Variants in SPTLC3 observed in about 807,000 individuals in gnomAD.
The protein encoded by SPTLC3 is serine palmitoyltransferase long chain base subunit 3, also known as serine palmitoyltransferase 3.
Under a neutral mutation model 59.3 loss-of-function variants are expected in SPTLC3, and 36 were observed. The observed-to-expected ratio is 0.61, with a 90% CI of 0.47 to 0.80. The LOEUF is 0.80. SPTLC3 is among the 30% of genes least tolerant of loss of function. SPTLC3 has a pLI of 0.00. For synonymous variants in SPTLC3, 257 were observed against 240.8 expected (o/e 1.07, Z -0.62); for missense variants, 625 against 685.1 (o/e 0.91, Z 0.98).
At chr20:13,106,447 A>G (rs948052466) in intron 6 of SPTLC3, among the ~76,000 whole-genome samples, 2 of 152,148 alleles carry the variant, frequency 1.3e-5, no homozygotes, top group South Asian at 2.1e-4. Context: ...TCTGTTCTGT[A>G]TTATTGACGA....
At chr20:13,079,419 A>G (rs1473586625) in intron 4 of SPTLC3, among the ~76,000 whole-genome samples, 2 of 152,194 alleles carry the variant, frequency 1.3e-5, no homozygotes, top group Non-Finnish European at 2.9e-5. Flanking sequence ...CACATATTAC[A>G]TGTAGGTAAA....
intron 2 of SPTLC3, among the ~76,000 whole-genome samples, chr20:13,052,492 G>A (rs1036728627): frequency 1.1e-4 from 16 of 152,190 alleles, no homozygotes; most frequent in Non-Finnish European, 1.6e-4. Context: ...TTTTGTTGTT[G>A]TTTGGTTTTT....
rs5840546 is a variant in SPTLC3 at position 13,044,995 on chromosome 20, CCACACACACACA to C, written c.118-3920_118-3909del. 7.9e-3 allele frequency among the ~76,000 whole-genome samples: 1,117 copies of C among 141,350 alleles called. 12 individuals carry two copies. The highest frequency in any genetic ancestry group is 0.022 in the African/African-American group (860 of 38,448). 92.7% of individuals were successfully genotyped at this position (141,350 alleles called of 152,430 possible). A position where few individuals can be genotyped will look rare whatever the true frequency, so the allele number is the denominator to read the frequency against. On this transcript the variant is annotated intron_variant, in intron 1 of 11. Transcript: ENST00000399002. ...TACATTATGGTCATTTGTGTCCCCACCACACACACACACACACACACACACACACACACACAC... is the reference window on the plus strand; with the variant it reads ...TACATTATGGTCATTTGTGTCCCCACCACACACACACACACACACACACAC...
intron 7 of SPTLC3, among the ~76,000 whole-genome samples, chr20:13,114,148 C>G (rs1243025687): frequency 3.9e-5 from 6 of 152,170 alleles, no homozygotes; most frequent in Non-Finnish European, 8.8e-5. Context: ...GCAAGATCAC[C>G]CATTTGACCT....
intron 1 of SPTLC3, among the ~76,000 whole-genome samples, chr20:13,036,806 G>A (rs1485914903): frequency 2.6e-5 from 4 of 152,030 alleles, no homozygotes; most frequent in Non-Finnish European, 5.9e-5. Context: ...CCTCCACTGA[G>A]ACCCATCAGT....
rs138475462 is a variant in SPTLC3 at position 13,131,749 on chromosome 20, T to C, written c.1279+5032T>C. On this transcript the variant is annotated intron_variant, in intron 9 of 11. Coordinates refer to ENST00000399002, the MANE Select transcript of SPTLC3 (RefSeq NM_018327.4). Reference sequence around the variant, plus strand: ...CCCCACTTTTGCTCTTGCCTTTTTATGGCTTCTTCTCCATGCAGAAGCCAA... The same window carrying C: ...CCCCACTTTTGCTCTTGCCTTTTTACGGCTTCTTCTCCATGCAGAAGCCAA... 1.3e-3 allele frequency among the ~76,000 whole-genome samples: 204 copies of C among 152,332 alleles called. 1 individual carries two copies. Among genetic ancestry groups the C allele is most frequent in the Non-Finnish European group, 2.4e-3 (164 of 68,034 alleles).
At chr20:13,123,223 C>T (rs189887472) in intron 8 of SPTLC3, among the ~76,000 whole-genome samples, 276 of 151,938 alleles carry the variant, frequency 1.8e-3, no homozygotes, top group Non-Finnish European at 3.6e-3. Context: ...CCCAGCTACT[C>T]GGGAGGCTGA....
intron 1 of SPTLC3, among the ~76,000 whole-genome samples, chr20:13,042,549 TA>T (rs1987034936): frequency 6.6e-6 from 1 of 152,188 alleles, no homozygotes; most frequent in African/African-American, 2.4e-5. Context: ...TTAGAGGAAG[TA>T]AACCCTCAAC....
intron 9 of SPTLC3, among the ~76,000 whole-genome samples, chr20:13,151,181 T>C (rs1428601244): frequency 1.3e-5 from 2 of 152,258 alleles, no homozygotes; most frequent in Non-Finnish European, 2.9e-5. Context: ...CAGATTCTGC[T>C]AATAAGCTTT....
chr20:13,163,179 C>T (rs1415152522), intron 11 of SPTLC3, among the ~76,000 whole-genome samples: 1 of 151,832 alleles, frequency 6.6e-6, no homozygotes, highest in Non-Finnish European at 1.5e-5. Context: ...ACCAGCCTGG[C>T]CAACATGGTG....
chr20:13,019,078 G>A (rs12481402), intron 1 of SPTLC3, among the ~76,000 whole-genome samples: 30,270 of 152,064 alleles, frequency 0.2, 3,627 homozygotes, highest in South Asian at 0.38. Flanking sequence ...GATCATCTGA[G>A]CCCAGCGGAG....
chr20:13,080,142 A>G (rs1988788311), intron 4 of SPTLC3, among the ~76,000 whole-genome samples: 1 of 152,180 alleles, frequency 6.6e-6, no homozygotes, highest in Non-Finnish European at 1.5e-5. Flanking sequence ...TAACACTTAG[A>G]GACTCTCACA....
intron 6 of SPTLC3, among the ~76,000 whole-genome samples, chr20:13,097,867 C>T (rs1989475266): frequency 6.6e-6 from 1 of 151,948 alleles, no homozygotes; most frequent in African/African-American, 2.4e-5. Context: ...AATGGCGGGT[C>T]CTAGACTAGA....
chr20:13,029,325 G>A (rs549907048), intron 1 of SPTLC3, among the ~76,000 whole-genome samples: 20 of 152,234 alleles, frequency 1.3e-4, no homozygotes, highest in Non-Finnish European at 2.1e-4. Flanking sequence ...ACATCAGTTC[G>A]CTTTTGTTAA....
chr20:13,128,871 ATTT>A (rs35981991), intron 9 of SPTLC3, among the ~76,000 whole-genome samples: 132 of 114,204 alleles, frequency 1.2e-3, no homozygotes, highest in South Asian at 9.4e-3. Context: ...TGCCCAGCTA[ATTT>A]TTTTTTTTTT....
intron 1 of SPTLC3, among the ~76,000 whole-genome samples, chr20:13,040,998 T>C (rs901886152): frequency 6.6e-6 from 1 of 152,174 alleles, no homozygotes; most frequent in Non-Finnish European, 1.5e-5. Context: ...ATTGTTTGGC[T>C]CTTGCTGCTT....
chr20:13,093,100 TA>T (rs1223192922), intron 5 of SPTLC3, among the ~76,000 whole-genome samples: 1 of 152,150 alleles, frequency 6.6e-6, no homozygotes, highest in Non-Finnish European at 1.5e-5. Flanking sequence ...GAAGAATAAC[TA>T]AAACTGTTCC....
At chr20:13,153,879 C>T (rs2038707143) in intron 9 of SPTLC3, 124 bp from the exon 10 acceptor site, 3 of 1,289,276 alleles carry the variant, frequency 2.3e-6, no homozygotes, top group Non-Finnish European at 3.2e-6. Flanking sequence ...CCCTTCCCTA[C>T]TTCCTCCTCC....
At chr20:13,157,869 C>T (rs562133271) in intron 10 of SPTLC3, among the ~76,000 whole-genome samples, 2 of 152,288 alleles carry the variant, frequency 1.3e-5, no homozygotes, top group South Asian at 4.1e-4. Flanking sequence ...TGTGGAAGCA[C>T]TTCTTCCATT....
Sources: allele counts gnomAD v4.1 joint callset (sites outside exome capture counted in the v4.1 genomes callset), GRCh38; gene constraint gnomAD v4.1.1; transcripts MANE v1.5; gene names NCBI Gene and HGNC (gene_info 2026-07-23, HGNC 2026-07-21).